Variants in LRP1B observed in about 807,000 individuals in gnomAD.
LRP1B encodes the protein LDL receptor related protein 1B, also known as low-density lipoprotein receptor-related protein 1B.
Under a neutral mutation model 556.6 loss-of-function variants are expected in LRP1B, and 217 were observed. The ratio of observed to expected loss-of-function variants is 0.39; its 90% confidence interval spans 0.35 to 0.44. The LOEUF (loss-of-function observed/expected upper bound fraction) is 0.44, where lower values mean the gene tolerates loss of function less well. Ranked by LOEUF, LRP1B falls within the 20% of genes least tolerant of loss-of-function variation. The probability of loss-of-function intolerance (pLI) is 1.00; values close to 1 mark genes in which losing one functional copy is unlikely to be tolerated. For synonymous variants in LRP1B, 2,047 were observed against 1,865.8 expected (o/e 1.10, Z -2.50); for missense variants, 5,053 against 5,620.8 (o/e 0.90, Z 3.23).
Position 141,767,780 on chromosome 2 carries a change from A to G in LRP1B, c.205+42499T>C, listed in dbSNP as rs565547330. Among the ~76,000 whole-genome samples the G allele has an allele frequency of 2.0e-5, 3 of 152,286 alleles. No homozygotes were observed. The South Asian group carries it at 6.2e-4, about 32-fold the overall frequency. ...CCCTATTTCAAGTTCAATCCACAGG[A>G]GCAAGAAAATTAAACAGAAATTTCA... On this transcript the variant is annotated intron_variant, in intron 2 of 90. Coordinates refer to ENST00000389484, the MANE Select transcript of LRP1B (RefSeq NM_018557.3).
At chr2:142,097,865 T>C (rs1234650358) in intron 1 of LRP1B, among the ~76,000 whole-genome samples, 1 of 151,704 alleles carries the variant, frequency 6.6e-6, no homozygotes, top group African/African-American at 2.4e-5. Context: ...ATGTAAATAA[T>C]GTATCGACAA....
At chr2:141,284,445 T>C (rs1228623446) in intron 3 of LRP1B, among the ~76,000 whole-genome samples, 1 of 152,222 alleles carries the variant, frequency 6.6e-6, no homozygotes, top group Non-Finnish European at 1.5e-5. Context: ...TAGGTGGTTA[T>C]TGAATAGTTC....
chr2:141,546,904 T>C (rs1330215170), intron 2 of LRP1B, among the ~76,000 whole-genome samples: 1 of 152,192 alleles, frequency 6.6e-6, no homozygotes, highest in Non-Finnish European at 1.5e-5. Context: ...TTCCTCCTAA[T>C]ACTTAAACAA....
chr2:141,073,034 C>T (rs1372303514), intron 7 of LRP1B, among the ~76,000 whole-genome samples: 1 of 152,052 alleles, frequency 6.6e-6, no homozygotes, highest in Non-Finnish European at 1.5e-5. Flanking sequence ...TCATATTCAG[C>T]ACACGAATTT....
At chr2:141,903,292 T>G (rs1227711850) in intron 1 of LRP1B, among the ~76,000 whole-genome samples, 1 of 151,882 alleles carries the variant, frequency 6.6e-6, no homozygotes, top group Non-Finnish European at 1.5e-5. Flanking sequence ...GAAACTGTTA[T>G]AAGAAGGTAA....
At chr2:141,641,163 C>T (rs1056489181) in intron 2 of LRP1B, among the ~76,000 whole-genome samples, 6 of 148,044 alleles carry the variant, frequency 4.1e-5, no homozygotes, top group Admixed American at 1.4e-4. Flanking sequence ...TTTAAAAGTC[C>T]ACTTATTTAA....
At chr2:141,288,436 G>T (rs532467843) in intron 3 of LRP1B, among the ~76,000 whole-genome samples, 1 of 151,894 alleles carries the variant, frequency 6.6e-6, no homozygotes, top group Admixed American at 6.6e-5. Flanking sequence ...TTCCAAATAA[G>T]TAAAGTGAGA....
chr2:140,550,356 G>C (rs896711723), intron 43 of LRP1B, among the ~76,000 whole-genome samples: 7 of 152,076 alleles, frequency 4.6e-5, no homozygotes, highest in African/African-American at 1.7e-4. Context: ...AGGCGCTGGA[G>C]CACTACAAAG....
At chr2:141,074,613 T>C (rs1168333327) in intron 7 of LRP1B, among the ~76,000 whole-genome samples, 1 of 106,478 alleles carries the variant, frequency 9.4e-6, no homozygotes, top group African/African-American at 3.3e-5. Flanking sequence ...ATATGTTTTT[T>C]ATATATATAT....
chr2:140,509,902 C>T (rs1424013877), intron 52 of LRP1B, 26 bp downstream of exon 52: 10 of 1,593,790 alleles, frequency 6.3e-6, no homozygotes, highest in Non-Finnish European at 7.7e-6. Flanking sequence ...TTTTCTTTGA[C>T]ATGCAGCCCT....
intron 3 of LRP1B, among the ~76,000 whole-genome samples, chr2:141,467,731 A>C (rs1352795026): frequency 6.6e-6 from 1 of 152,046 alleles, no homozygotes; most frequent in Admixed American, 6.5e-5. Flanking sequence ...AATAAGAAAC[A>C]AAACTGAAAG....
intron 31 of LRP1B, among the ~76,000 whole-genome samples, chr2:140,822,118 A>G (rs145843400): frequency 3.9e-4 from 60 of 152,376 alleles, no homozygotes; most frequent in African/African-American, 1.4e-3. Flanking sequence ...AAGTTCCTTT[A>G]TATGAGGCTT....
rs567741146 is a variant in LRP1B, at chr2:140,349,797, A to G, written c.11892+1000T>C. Among the ~76,000 whole-genome samples, 9 of 152,284 alleles carry G rather than the reference A, an allele frequency of 5.9e-5. No individual in the cohort carries two copies. In the East Asian group the frequency reaches 1.7e-3, roughly 29 times the overall value. The stretch of plus-strand genomic sequence containing the variant: ...ATTGTGTTTGAGGGAATAGGAATTG[A>G]ACAATTCTGGTATACATGGATTTTT... On this transcript the variant is annotated intron_variant, in intron 77 of 90. Transcript: ENST00000389484.
chr2:141,291,855 CAAAAA>C (rs143819331), intron 3 of LRP1B, among the ~76,000 whole-genome samples: 8 of 99,308 alleles, frequency 8.1e-5, no homozygotes, highest in African/African-American at 2.7e-4. Flanking sequence ...GACTCTGTCT[CAAAAA>C]AAAAAAAAAA....
chr2:141,055,250 T>A lies in LRP1B; in HGVS notation c.1418A>T (p.His473Leu), dbSNP rs1699147381. 2 of 1,610,410 alleles carry A rather than the reference T, an allele frequency of 1.2e-6. No individual in the cohort carries two copies. Among genetic ancestry groups the A allele is most frequent in the Non-Finnish European group, 1.7e-6 (2 of 1,178,248 alleles). The change falls in exon 10 of 91, where the codon CAT becomes CTT. Residue 473 changes from histidine (H) to leucine (L), a missense_variant. Physicochemically the swap from His to Leu is moderately conservative, Grantham distance 99 (BLOSUM62 -3). This residue lies in a region of LRP1B where 3,619 missense variants were observed against 3,931.9 expected (regional missense o/e 0.92). Transcript: ENST00000389484. ...TCCATATGGATCGACTTCACATGCA[T>A]GGCTTCTGACTACAACAAATAAAAA... ...QKRTQPTVRS[H>L]ACEVDPYGMP...
intron 7 of LRP1B, among the ~76,000 whole-genome samples, chr2:141,078,676 CCT>C (rs1699852797): frequency 6.6e-6 from 1 of 152,122 alleles, no homozygotes; most frequent in Non-Finnish European, 1.5e-5. Flanking sequence ...TTCTCCTTCT[CCT>C]TGCTCATATA....
At chr2:140,689,859 T>C (rs1336267530) in intron 41 of LRP1B, among the ~76,000 whole-genome samples, 1 of 152,222 alleles carries the variant, frequency 6.6e-6, no homozygotes, top group African/African-American at 2.4e-5. Context: ...GACTTTCTGA[T>C]TCTGCAAACA....
chr2:141,467,658 T>G (rs1682283239), intron 3 of LRP1B, among the ~76,000 whole-genome samples: 2 of 152,016 alleles, frequency 1.3e-5, no homozygotes, highest in African/African-American at 2.4e-5. Context: ...GCTTCTCTAT[T>G]TGTAGTTATA....
chr2:141,773,929 G>A (rs753403240), intron 2 of LRP1B, among the ~76,000 whole-genome samples: 1 of 152,094 alleles, frequency 6.6e-6, no homozygotes, highest in Non-Finnish European at 1.5e-5. Context: ...TAAAAACGCA[G>A]GTATCAGTGT....
Sources: gnomAD v4.1 joint callset for allele counts (sites outside exome capture counted in the v4.1 genomes callset) on GRCh38, gnomAD v4.1.1 for gene constraint, gnomAD v4.1.1 regional missense constraint, MANE v1.5 for transcripts, NCBI Gene and HGNC (gene_info 2026-07-23, HGNC 2026-07-21) for gene names.